The following RGS6 variants were observed in gnomAD, a reference collection of about 807,000 sequenced individuals.
RGS6 encodes regulator of G-protein signaling 6.
Under a neutral mutation model 78.5 loss-of-function variants are expected in RGS6, and 30 were observed. That is an observed-to-expected ratio of 0.38 (90% CI 0.29 to 0.52). RGS6 has a LOEUF of 0.52. RGS6 is among the 20% of genes least tolerant of loss of function. RGS6 has a pLI of 0.85. For missense variants in RGS6, 495 were observed against 609.7 expected (o/e 0.81, Z 1.98); for synonymous variants, 206 against 206.0 (o/e 1.00, Z 0.00).
At chr14:72,045,492 G>C (rs2092758804) in intron 2 of RGS6, among the ~76,000 whole-genome samples, 1 of 152,094 alleles carries the variant, frequency 6.6e-6, no homozygotes. Flanking sequence ...TGTTGTCTTT[G>C]GGATTCCCTA....
chr14:72,156,480 A>G (rs1021837198), intron 2 of RGS6, among the ~76,000 whole-genome samples: 7 of 116,642 alleles, frequency 6.0e-5, no homozygotes, highest in African/African-American at 1.6e-4. Flanking sequence ...AAAAAAAAAT[A>G]GTGGTGGCCA....
At chr14:72,004,344 C>A (rs1378542060) in intron 2 of RGS6, among the ~76,000 whole-genome samples, 2 of 152,150 alleles carry the variant, frequency 1.3e-5, no homozygotes, top group Non-Finnish European at 2.9e-5. Context: ...AAAACAAAAA[C>A]AGTGAACACC....
At chr14:72,271,170 C>A (rs896640153) in intron 2 of RGS6, among the ~76,000 whole-genome samples, 1 of 152,112 alleles carries the variant, frequency 6.6e-6, no homozygotes, top group Non-Finnish European at 1.5e-5. Context: ...TGTTCTCATG[C>A]TGCCAATAAA....
At chr14:71,911,957 C>T in the RGS6 span, among the ~76,000 whole-genome samples, 571 of 152,296 alleles carry the variant, frequency 3.7e-3, 8 homozygotes, top group African/African-American at 0.013. Context: ...ATGTTGCTTA[C>T]GTCCCATATT....
intron 2 of RGS6, among the ~76,000 whole-genome samples, chr14:72,247,533 T>C (rs762642911): frequency 2.6e-5 from 4 of 152,220 alleles, no homozygotes; most frequent in South Asian, 2.1e-4. Flanking sequence ...CAAGGAGAGA[T>C]AGGTGAAATC....
chr14:72,157,803 A>G (rs1312192940), intron 2 of RGS6, among the ~76,000 whole-genome samples: 4 of 152,176 alleles, frequency 2.6e-5, no homozygotes, highest in Non-Finnish European at 4.4e-5. Flanking sequence ...AAGTGAGTGT[A>G]AAGATGCAGG....
intron 2 of RGS6, among the ~76,000 whole-genome samples, chr14:71,977,667 C>T (rs1430526191): frequency 1.3e-5 from 2 of 149,332 alleles, no homozygotes; most frequent in African/African-American, 4.9e-5. Flanking sequence ...TTACTGTAGC[C>T]TTGTAGTATA....
intron 8 of RGS6, 55 bp downstream of exon 8, chr14:72,470,138 A>C (rs2096033389): frequency 7.4e-7 from 1 of 1,354,940 alleles, no homozygotes; most frequent in African/African-American, 1.4e-5. Context: ...GGAATTTGGA[A>C]ATGGTGTGAA....
intron 2 of RGS6, among the ~76,000 whole-genome samples, chr14:72,330,901 G>T (rs548130249): frequency 8.3e-4 from 127 of 152,184 alleles, no homozygotes; most frequent in African/African-American, 2.9e-3. Context: ...GCACGTTTCT[G>T]TCACTCTGTG....
chr14:72,112,618 T>A (rs2095794479), intron 2 of RGS6, among the ~76,000 whole-genome samples: 1 of 152,250 alleles, frequency 6.6e-6, no homozygotes, highest in African/African-American at 2.4e-5. Context: ...ACTGAACTAA[T>A]CATTTTACAG....
chr14:72,583,223 G>A, the RGS6 span, among the ~76,000 whole-genome samples: 1 of 152,148 alleles, frequency 6.6e-6, no homozygotes, highest in East Asian at 1.9e-4. Context: ...ATACAGCCAT[G>A]CTACTAGGTC....
At chr14:71,963,050 A>G (rs1188738347) in intron 1 of RGS6, among the ~76,000 whole-genome samples, 1 of 152,120 alleles carries the variant, frequency 6.6e-6, no homozygotes, top group African/African-American at 2.4e-5. Flanking sequence ...CTGCTCTCAT[A>G]CTCAGCTTAT....
chr14:72,009,087 GCTTACGC>G (rs2085158574), intron 2 of RGS6, among the ~76,000 whole-genome samples: 1 of 152,212 alleles, frequency 6.6e-6, no homozygotes, highest in South Asian at 2.1e-4. Context: ...AGGAGTGCTG[GCTTACGC>G]CTATAATCCC....
chr14:72,198,558 C>A (rs925741679), intron 2 of RGS6, among the ~76,000 whole-genome samples: 1 of 152,198 alleles, frequency 6.6e-6, no homozygotes, highest in African/African-American at 2.4e-5. Context: ...GTATTTGTCT[C>A]TACACATACC....
At chr14:72,289,590 G>T (rs778833654) in intron 2 of RGS6, among the ~76,000 whole-genome samples, 25 of 152,094 alleles carry the variant, frequency 1.6e-4, no homozygotes, top group African/African-American at 6.0e-4. Flanking sequence ...TCATGTTCAC[G>T]CTGGGAGGTA....
chr14:72,401,936 A>G (rs2092446597), intron 3 of RGS6, among the ~76,000 whole-genome samples: 1 of 152,206 alleles, frequency 6.6e-6, no homozygotes, highest in Non-Finnish European at 1.5e-5. Flanking sequence ...TTTTAATAAA[A>G]AGAAGATTTT....
At chr14:72,049,464 T>C (rs539325355) in intron 2 of RGS6, among the ~76,000 whole-genome samples, 2 of 152,336 alleles carry the variant, frequency 1.3e-5, no homozygotes, top group South Asian at 2.1e-4. Context: ...TCTCGTGATA[T>C]CTACCTTTAT....
the RGS6 span, among the ~76,000 whole-genome samples, chr14:71,910,312 C>A: frequency 6.6e-6 from 1 of 152,256 alleles, no homozygotes; most frequent in African/African-American, 2.4e-5. Flanking sequence ...TTACTGGAGA[C>A]AGCTCCAGGA....
intron 1 of RGS6, among the ~76,000 whole-genome samples, chr14:71,935,334 A>T (rs2088904372): frequency 6.6e-6 from 1 of 152,254 alleles, no homozygotes; most frequent in Non-Finnish European, 1.5e-5. Flanking sequence ...AGAGGGAGCC[A>T]CTGTTAACAT....
Sources: gnomAD v4.1 joint callset for allele counts (sites outside exome capture counted in the v4.1 genomes callset) on GRCh38, gnomAD v4.1.1 for gene constraint, MANE v1.5 for transcripts, NCBI Gene and HGNC (gene_info 2026-07-23, HGNC 2026-07-21) for gene names.